The following GLCCI1 variants were observed in gnomAD, a reference collection of about 807,000 sequenced individuals.
GLCCI1 encodes glucocorticoid induced 1.
In GLCCI1, 24 loss-of-function variants were observed where a neutral mutation model predicts 52.2. The observed-to-expected ratio is 0.46, with a 90% CI of 0.33 to 0.65. The LOEUF (loss-of-function observed/expected upper bound fraction) is 0.65, where lower values mean the gene tolerates loss of function less well. Ranked by LOEUF, GLCCI1 falls within the 30% of genes least tolerant of loss-of-function variation. The probability of loss-of-function intolerance (pLI) is 0.02; values close to 1 mark genes in which losing one functional copy is unlikely to be tolerated. For missense variants in GLCCI1, 704 were observed against 701.5 expected (o/e 1.00, Z -0.04); for synonymous variants, 310 against 276.5 (o/e 1.12, Z -1.20).
intron 3 of GLCCI1, among the ~76,000 whole-genome samples, chr7:8,052,872 C>T (rs1782289603): frequency 2.0e-5 from 3 of 152,118 alleles, no homozygotes; most frequent in Admixed American, 6.5e-5. Context: ...TCCCTTAGTC[C>T]TTTAAGTTAA....
chr7:7,990,422 A>G (rs950785587), intron 1 of GLCCI1, among the ~76,000 whole-genome samples: 1 of 152,068 alleles, frequency 6.6e-6, no homozygotes, highest in Non-Finnish European at 1.5e-5. Context: ...TTTTGTGGCT[A>G]TTTTAGAAAA....
chr7:8,057,279 A>G (rs1454881076), intron 4 of GLCCI1, among the ~76,000 whole-genome samples: 1 of 145,174 alleles, frequency 6.9e-6, no homozygotes, highest in East Asian at 2.0e-4. Context: ...TCATAATACT[A>G]AAAAAAAAAA....
chr7:7,999,685 G>A (rs1163043480), intron 1 of GLCCI1, among the ~76,000 whole-genome samples: 2 of 152,074 alleles, frequency 1.3e-5, no homozygotes, highest in African/African-American at 4.8e-5. Flanking sequence ...TGGGAGGATC[G>A]CTTGAGCCCA....
At chr7:8,035,683 A>G (rs1042252853) in intron 3 of GLCCI1, among the ~76,000 whole-genome samples, 2 of 152,210 alleles carry the variant, frequency 1.3e-5, no homozygotes, top group African/African-American at 4.8e-5. Context: ...TGAGATGGGC[A>G]GATTTCACAG....
chr7:8,039,174 CTA>C (rs1781941200), intron 3 of GLCCI1, among the ~76,000 whole-genome samples: 2 of 152,108 alleles, frequency 1.3e-5, no homozygotes, highest in South Asian at 2.1e-4. Context: ...ACTACAACCT[CTA>C]TGCAAAAATA....
Position 7,969,963 on chromosome 7 carries a change from T to A in GLCCI1, c.457+156T>A, listed in dbSNP as rs1780307608. On this transcript the variant is annotated intron_variant, in intron 1 of 7. Transcript: ENST00000223145. The surrounding 1 kb of genome is among the most constrained non-coding windows in gnomAD (Gnocchi z 4.9). ...CACCCCCCTGCGGTCGCTGTGGGGCTTGGAGGAGCGAACTGAAAAGCGACT... is the reference window on the plus strand; with the variant it reads ...CACCCCCCTGCGGTCGCTGTGGGGCATGGAGGAGCGAACTGAAAAGCGACT... The A allele has an allele frequency of 9.7e-7, 1 of 1,029,382 alleles. No homozygotes were observed. The highest frequency in any genetic ancestry group is 3.2e-5 in the South Asian group (1 of 30,998). 63.8% of individuals were successfully genotyped at this position (1,029,382 alleles called of 1,614,324 possible).
intron 4 of GLCCI1, among the ~76,000 whole-genome samples, chr7:8,056,541 T>C (rs1782402900): frequency 6.6e-6 from 1 of 152,178 alleles, no homozygotes; most frequent in Non-Finnish European, 1.5e-5. Flanking sequence ...AATACTAACA[T>C]ATCCCATGGA....
intron 3 of GLCCI1, among the ~76,000 whole-genome samples, chr7:8,048,147 A>G (rs184036445): frequency 1.3e-5 from 2 of 152,346 alleles, no homozygotes; most frequent in Non-Finnish European, 2.9e-5. Context: ...TGGGCTTAAC[A>G]GATTTTTAAA....
chr7:7,980,668 G>T, intron 1 of GLCCI1: 2 of 805,956 alleles, frequency 2.5e-6, no homozygotes, highest in South Asian at 3.0e-5. Flanking sequence ...CAAGAAGAAG[G>T]GCACAATGTC....
chr7:8,016,718 T>C (rs1781389467), intron 2 of GLCCI1, among the ~76,000 whole-genome samples: 1 of 152,184 alleles, frequency 6.6e-6, no homozygotes, highest in South Asian at 2.1e-4. Flanking sequence ...CAACATAGCC[T>C]ATTGCAATGA....
At chr7:8,043,240 CACTT>C (rs1362645793) in intron 3 of GLCCI1, among the ~76,000 whole-genome samples, 1 of 151,938 alleles carries the variant, frequency 6.6e-6, no homozygotes, top group Non-Finnish European at 1.5e-5. Context: ...TCATGTGACT[CACTT>C]CATTGCTATA....
chr7:8,013,373 A>C (rs916525161), intron 2 of GLCCI1, among the ~76,000 whole-genome samples: 2 of 152,090 alleles, frequency 1.3e-5, no homozygotes, highest in Non-Finnish European at 2.9e-5. Flanking sequence ...AGATATTGTT[A>C]TATCATAAAT....
At chr7:7,996,475 T>G (rs1218190373) in intron 1 of GLCCI1, among the ~76,000 whole-genome samples, 1 of 152,226 alleles carries the variant, frequency 6.6e-6, no homozygotes, top group Non-Finnish European at 1.5e-5. Flanking sequence ...ACTTTTTCAG[T>G]GCTTGTTACC....
intron 3 of GLCCI1, among the ~76,000 whole-genome samples, chr7:8,036,084 G>A (rs73242181): frequency 4.4e-4 from 67 of 152,270 alleles, no homozygotes; most frequent in African/African-American, 1.6e-3. Flanking sequence ...TGCTGTAGCT[G>A]GCCTTTACAC....
intron 4 of GLCCI1, among the ~76,000 whole-genome samples, chr7:8,056,797 A>G (rs1277561318): frequency 6.6e-6 from 1 of 152,250 alleles, no homozygotes; most frequent in African/African-American, 2.4e-5. Context: ...AGGATATTTC[A>G]TAATGTGACT....
intron 6 of GLCCI1, among the ~76,000 whole-genome samples, chr7:8,078,174 A>C (rs1782916001): frequency 7.2e-6 from 1 of 138,554 alleles, no homozygotes; most frequent in Non-Finnish European, 1.5e-5. Flanking sequence ...ACACCACTGC[A>C]CTCCAGCCTG....
At chr7:8,060,697 A>G (rs917330913) in intron 5 of GLCCI1, among the ~76,000 whole-genome samples, 4 of 152,152 alleles carry the variant, frequency 2.6e-5, no homozygotes, top group Non-Finnish European at 5.9e-5. Context: ...AATCAGTTAT[A>G]TGGATTTTAT....
chr7:8,042,165 T>G (rs1039579700), intron 3 of GLCCI1, among the ~76,000 whole-genome samples: 5 of 152,190 alleles, frequency 3.3e-5, no homozygotes, highest in Admixed American at 3.3e-4. Flanking sequence ...TAAAAAAAAT[T>G]AATGTTTTCA....
intron 1 of GLCCI1, chr7:7,981,028 A>T: frequency 2.0e-6 from 1 of 498,198 alleles, no homozygotes; most frequent in Non-Finnish European, 3.8e-6. Flanking sequence ...AGAAGAAATA[A>T]AGGCAGAAAA....
Sources: gnomAD v4.1 joint callset for allele counts (sites outside exome capture counted in the v4.1 genomes callset) on GRCh38, gnomAD v4.1.1 for gene constraint, Gnocchi (gnomAD v3.1) non-coding constraint, MANE v1.5 for transcripts, NCBI Gene and HGNC (gene_info 2026-07-23, HGNC 2026-07-21) for gene names.